CTNNA2: variants seen among roughly 807,000 people sequenced by gnomAD.
CTNNA2 encodes catenin alpha 2.
A neutral mutation model predicts 101.0 loss-of-function variants in CTNNA2; 42 were observed. The ratio of observed to expected loss-of-function variants is 0.42; its 90% confidence interval spans 0.32 to 0.54. CTNNA2 has a LOEUF of 0.54. CTNNA2 is among the 20% of genes least tolerant of loss of function. CTNNA2 has a pLI of 0.14. For synonymous variants in CTNNA2, 450 were observed against 456.4 expected, an observed-to-expected ratio of 0.99 and a Z score of 0.18; for missense variants, 871 against 1,223.1, an observed-to-expected ratio of 0.71 and a Z score of 4.29.
At position 79,960,571 on chromosome 2, in the gene CTNNA2, C is replaced by T. The variant is rs527588036; in HGVS notation, c.1056+50774C>T. ...GACTTAGCACCTAGTATTGAGCAAC[C>T]ACTGAAGAATGCATCTTCCGTTAAA... On this transcript the variant is annotated intron_variant, in intron 7 of 18. Transcript: ENST00000402739. Among the ~76,000 whole-genome samples the T allele has an allele frequency of 2.0e-5, 3 of 152,290 alleles. No homozygotes were observed. The East Asian group carries it at 5.8e-4, about 29-fold the overall frequency.
chr2:80,576,461 T>C (rs1331767832), intron 13 of CTNNA2: 1 of 150,764 alleles, frequency 6.6e-6, no homozygotes, highest in Non-Finnish European at 1.5e-5. Context: ...ACAAAGTGGC[T>C]TAAAAATATA....
intron 7 of CTNNA2, among the ~76,000 whole-genome samples, chr2:80,165,559 A>G (rs958504455): frequency 2.6e-5 from 4 of 152,118 alleles, no homozygotes; most frequent in Admixed American, 2.6e-4. Flanking sequence ...CAAGAAGTGG[A>G]AGTCTAGAAG....
At chr2:79,415,147 C>T (rs575435882) in intron 4 of CTNNA2, among the ~76,000 whole-genome samples, 12 of 152,214 alleles carry the variant, frequency 7.9e-5, no homozygotes, top group Admixed American at 2.0e-4. Flanking sequence ...GCAATAGGTC[C>T]CTCATGAATG....
intron 2 of CTNNA2, among the ~76,000 whole-genome samples, chr2:79,673,184 T>G (rs1164048606): frequency 6.6e-6 from 1 of 152,238 alleles, no homozygotes; most frequent in African/African-American, 2.4e-5. Context: ...AGTTTTGCTC[T>G]ATTACAAAAT....
At chr2:79,449,621 T>C (rs1400109382) in intron 4 of CTNNA2, among the ~76,000 whole-genome samples, 5 of 152,070 alleles carry the variant, frequency 3.3e-5, no homozygotes, top group African/African-American at 1.2e-4. Flanking sequence ...AGTTTACCTC[T>C]GTTTTTTATG....
At chr2:80,065,765 A>G (rs1398211767) in intron 7 of CTNNA2, among the ~76,000 whole-genome samples, 1 of 152,182 alleles carries the variant, frequency 6.6e-6, no homozygotes, top group Admixed American at 6.5e-5. Flanking sequence ...AAAAGCTCAC[A>G]AAGCATCAGC....
chr2:80,162,715 T>G (rs58520718), intron 7 of CTNNA2: 1 of 1,611,940 alleles, frequency 6.2e-7, no homozygotes, highest in African/African-American at 1.3e-5. Flanking sequence ...AAACTATGAC[T>G]GTGTGATTGA....
At chr2:79,792,487 C>G (rs189224186) in intron 3 of CTNNA2, among the ~76,000 whole-genome samples, 29 of 152,262 alleles carry the variant, frequency 1.9e-4, no homozygotes, top group Admixed American at 6.5e-4. Flanking sequence ...TGTCTTAGAT[C>G]CTGTGACATG....
chr2:79,287,811 G>T (rs1345366227), intron 2 of CTNNA2, among the ~76,000 whole-genome samples: 8 of 152,194 alleles, frequency 5.3e-5, no homozygotes, highest in Admixed American at 4.6e-4. Context: ...GTTTACCTAA[G>T]CAAGCCTGGG....
At chr2:79,490,343 G>T (rs1223951508) in intron 4 of CTNNA2, among the ~76,000 whole-genome samples, 1 of 152,112 alleles carries the variant, frequency 6.6e-6, no homozygotes. Flanking sequence ...TTGCCCTGGG[G>T]AGTGGGTCTC....
At chr2:79,532,821 C>CTGAAAAAGCATTCAGTG (rs1672826413) in intron 1 of CTNNA2, among the ~76,000 whole-genome samples, 4 of 129,552 alleles carry the variant, frequency 3.1e-5, no homozygotes, top group Non-Finnish European at 6.8e-5. Flanking sequence ...TCTAATCTTG[C>CTGAAAAAGCATTCAGTG]TGAAAAAGCA....
chr2:80,073,222 G>T (rs1698458556), intron 7 of CTNNA2, among the ~76,000 whole-genome samples: 1 of 152,106 alleles, frequency 6.6e-6, no homozygotes, highest in African/African-American at 2.4e-5. Flanking sequence ...ACTAATCAAA[G>T]AAAAAAATAT....
At chr2:79,933,524 G>A (rs1403679276) in intron 7 of CTNNA2, among the ~76,000 whole-genome samples, 8 of 150,982 alleles carry the variant, frequency 5.3e-5, no homozygotes, top group African/African-American at 1.7e-4. Context: ...GCAAGATCTC[G>A]GCTCACTGCA....
At chr2:80,614,131 G>A (rs945328184) in intron 17 of CTNNA2, among the ~76,000 whole-genome samples, 11 of 151,466 alleles carry the variant, frequency 7.3e-5, no homozygotes, top group Admixed American at 6.6e-5. Flanking sequence ...GAATGATTTA[G>A]TAGCCAATTA....
At chr2:80,324,169 G>C (rs1434643609) in intron 7 of CTNNA2, among the ~76,000 whole-genome samples, 1 of 152,152 alleles carries the variant, frequency 6.6e-6, no homozygotes, top group African/African-American at 2.4e-5. Context: ...CTGTTCTAAA[G>C]TTTCAATTAA....
At chr2:79,269,732 T>A (rs574739953) in intron 2 of CTNNA2, among the ~76,000 whole-genome samples, 1 of 152,244 alleles carries the variant, frequency 6.6e-6, no homozygotes, top group East Asian at 1.9e-4. Context: ...ACAGAGGGCA[T>A]AACACATGAT....
intron 7 of CTNNA2, among the ~76,000 whole-genome samples, chr2:80,023,521 G>A (rs533932431): frequency 2.0e-5 from 3 of 152,082 alleles, no homozygotes; most frequent in East Asian, 1.9e-4. Flanking sequence ...TATGAGCTAC[G>A]AAAGACAGAA....
chr2:80,589,562 G>C, intron 15 of CTNNA2, 77 bp downstream of exon 15: 2 of 1,395,476 alleles, frequency 1.4e-6, no homozygotes, highest in South Asian at 1.5e-5. Context: ...GCATGTGAAA[G>C]CCTGCTGAAA....
intron 3 of CTNNA2, among the ~76,000 whole-genome samples, chr2:79,814,638 C>CATATAT (rs1553472821): frequency 1.1e-4 from 16 of 147,060 alleles, no homozygotes; most frequent in African/African-American, 2.8e-4. Flanking sequence ...CACACACACA[C>CATATAT]ATATATATAT....
Sources: allele counts gnomAD v4.1 joint callset (sites outside exome capture counted in the v4.1 genomes callset), GRCh38; gene constraint gnomAD v4.1.1; transcripts MANE v1.5; gene names NCBI Gene and HGNC (gene_info 2026-07-23, HGNC 2026-07-21).